CACNB2: variants seen among roughly 807,000 people sequenced by gnomAD.
The protein encoded by CACNB2 is calcium voltage-gated channel auxiliary subunit beta 2.
A neutral mutation model predicts 73.3 loss-of-function variants in CACNB2; 42 were observed. That is an observed-to-expected ratio of 0.57 (90% confidence interval 0.45 to 0.74). CACNB2 has a LOEUF of 0.74. Ranked by LOEUF, CACNB2 falls within the 30% of genes least tolerant of loss-of-function variation. CACNB2 has a pLI of 0.00. For synonymous variants in CACNB2, 348 were observed against 310.3 expected (o/e 1.12, Z -1.28); for missense variants, 940 against 853.0 (o/e 1.10, Z -1.27).
intron 7 of CACNB2, chr10:18,514,918 G>T: frequency 1.8e-6 from 2 of 1,114,092 alleles, no homozygotes; most frequent in Non-Finnish European, 2.7e-6. Context: ...TACATAGCTT[G>T]TACTAAAAAA....
At chr10:18,351,361 T>C (rs1374169429) in intron 2 of CACNB2, among the ~76,000 whole-genome samples, 2 of 152,268 alleles carry the variant, frequency 1.3e-5, no homozygotes, top group South Asian at 2.1e-4. Flanking sequence ...CTTGGGGAAA[T>C]TGGACTGTGC....
intron 2 of CACNB2, among the ~76,000 whole-genome samples, chr10:18,176,769 G>A (rs558043604): frequency 6.6e-6 from 1 of 151,930 alleles, no homozygotes; most frequent in African/African-American, 2.4e-5. Flanking sequence ...CCTATGGGCA[G>A]CCATGTTTCA....
At chr10:18,302,979 C>G (rs1381659826) in intron 2 of CACNB2, among the ~76,000 whole-genome samples, 1 of 152,162 alleles carries the variant, frequency 6.6e-6, no homozygotes, top group Non-Finnish European at 1.5e-5. Context: ...CTTCATAAAG[C>G]TCTTTTATAG....
At chr10:18,374,431 A>T (rs188224263) in intron 2 of CACNB2, among the ~76,000 whole-genome samples, 283 of 152,334 alleles carry the variant, frequency 1.9e-3, no homozygotes, top group Non-Finnish European at 2.9e-3. Context: ...GGCAATATCA[A>T]ATTAGTCAAG....
chr10:18,361,781 T>G (rs911582890), intron 2 of CACNB2, among the ~76,000 whole-genome samples: 1 of 151,862 alleles, frequency 6.6e-6, no homozygotes, highest in African/African-American at 2.4e-5. Context: ...CCTGGCAAAT[T>G]TTTGTATTTT....
In CACNB2 at chr10:18,442,923, TA is replaced by T. The variant is rs1564553113; in HGVS notation, c.333+40881del. On this transcript the variant is annotated intron_variant, in intron 3 of 13. Coordinates refer to ENST00000324631, the MANE Select transcript of CACNB2 (RefSeq NM_201596.3). Reference sequence around the variant, plus strand: ...CATGTAAAAACAATATATATATATATATGTATATATATATATATGTGTATAT... The same window carrying T: ...CATGTAAAAACAATATATATATATATTGTATATATATATATATGTGTATAT... Among the ~76,000 whole-genome samples the T allele has an allele frequency of 2.7e-4, 23 of 85,740 alleles. 4 individuals are homozygous for T. The highest frequency in any genetic ancestry group is 1.5e-3 in the African/African-American group (23 of 15,840). 56.2% of individuals were successfully genotyped at this position (85,740 alleles called of 152,430 possible).
chr10:18,495,949 C>T (rs1286628762), intron 3 of CACNB2, among the ~76,000 whole-genome samples: 1 of 151,656 alleles, frequency 6.6e-6, no homozygotes, highest in Non-Finnish European at 1.5e-5. Flanking sequence ...AAGCAGGATC[C>T]CTGGTATCAC....
intron 3 of CACNB2, among the ~76,000 whole-genome samples, chr10:18,468,103 A>C (rs138626417): frequency 1.4e-4 from 21 of 152,284 alleles, no homozygotes; most frequent in Non-Finnish European, 2.4e-4. Context: ...GAAATAAAGG[A>C]AAGTAAGTAG....
chr10:18,442,454 C>G (rs2046458050), intron 3 of CACNB2, among the ~76,000 whole-genome samples: 2 of 151,966 alleles, frequency 1.3e-5, no homozygotes, highest in Admixed American at 6.6e-5. Flanking sequence ...CTGGCCGAAT[C>G]TGGTTCTTCT....
intron 2 of CACNB2, among the ~76,000 whole-genome samples, chr10:18,204,027 T>C (rs1322254847): frequency 6.6e-6 from 1 of 150,592 alleles, no homozygotes; most frequent in East Asian, 2.0e-4. Context: ...GATTGCAAAA[T>C]GGCAAATAAA....
At chr10:18,192,552 C>A (rs186531507) in intron 2 of CACNB2, among the ~76,000 whole-genome samples, 3 of 152,040 alleles carry the variant, frequency 2.0e-5, no homozygotes, top group Admixed American at 2.0e-4. Context: ...AATACATTCA[C>A]GATGTTGTGT....
At chr10:18,371,534 G>A (rs758298600) in intron 2 of CACNB2, among the ~76,000 whole-genome samples, 5 of 152,118 alleles carry the variant, frequency 3.3e-5, no homozygotes, top group Non-Finnish European at 5.9e-5. Context: ...CAAAGGACAT[G>A]AACTTTTTTA....
intron 2 of CACNB2, among the ~76,000 whole-genome samples, chr10:18,178,718 A>G (rs1474048610): frequency 6.6e-6 from 1 of 152,146 alleles, no homozygotes; most frequent in Non-Finnish European, 1.5e-5. Flanking sequence ...TGAAATATGA[A>G]TCAGTGTTCC....
intron 2 of CACNB2, among the ~76,000 whole-genome samples, chr10:18,391,376 G>A (rs1033928669): frequency 4.6e-5 from 7 of 152,274 alleles, no homozygotes; most frequent in South Asian, 2.1e-4. Context: ...AAAATGGATC[G>A]GGAGAGCTTT....
At chr10:18,222,888 G>A (rs1564356620) in intron 2 of CACNB2, among the ~76,000 whole-genome samples, 1 of 152,210 alleles carries the variant, frequency 6.6e-6, no homozygotes, top group Non-Finnish European at 1.5e-5. Context: ...AGTGAGCTGA[G>A]ATTGCGCCAT....
chr10:18,512,546 C>A (rs958711946), intron 6 of CACNB2, among the ~76,000 whole-genome samples: 5 of 152,180 alleles, frequency 3.3e-5, no homozygotes, highest in South Asian at 2.1e-4. Context: ...AAAGAAAAAT[C>A]TTTTTTTGCA....
intron 2 of CACNB2, among the ~76,000 whole-genome samples, chr10:18,212,286 T>C (rs2035348277): frequency 6.6e-6 from 1 of 152,194 alleles, no homozygotes; most frequent in Admixed American, 6.5e-5. Flanking sequence ...CTTGGAAATA[T>C]TTTACTTTCA....
At chr10:18,202,154 C>T (rs2034908625) in intron 2 of CACNB2, among the ~76,000 whole-genome samples, 1 of 152,144 alleles carries the variant, frequency 6.6e-6, no homozygotes. Context: ...AATTGACTTT[C>T]TCTGGTGAAG....
intron 2 of CACNB2, among the ~76,000 whole-genome samples, chr10:18,346,170 C>T (rs1327743411): frequency 2.0e-5 from 3 of 152,148 alleles, no homozygotes; most frequent in African/African-American, 2.4e-5. Flanking sequence ...GGTGGAGTCT[C>T]ACTCTGTTTC....
Sources: allele counts gnomAD v4.1 joint callset (sites outside exome capture counted in the v4.1 genomes callset), GRCh38; gene constraint gnomAD v4.1.1; transcripts MANE v1.5; gene names NCBI Gene and HGNC (gene_info 2026-07-23, HGNC 2026-07-21).